The following UBE2E2 variants were observed in gnomAD, a reference collection of about 807,000 sequenced individuals.
The protein encoded by UBE2E2 is ubiquitin-conjugating enzyme E2 E2.
Under a neutral mutation model 24.7 loss-of-function variants are expected in UBE2E2, and 6 were observed. That is an observed-to-expected ratio of 0.24 (90% CI 0.13 to 0.48). UBE2E2 has a LOEUF of 0.48. UBE2E2 is among the 20% of genes least tolerant of loss of function. UBE2E2 has a pLI of 0.99. For synonymous variants in UBE2E2, 104 were observed against 83.6 expected (o/e 1.24, Z -1.33); for missense variants, 169 against 245.0 (o/e 0.69, Z 2.07).
intron 3 of UBE2E2, among the ~76,000 whole-genome samples, chr3:23,460,493 A>G (rs998903242): frequency 6.6e-6 from 1 of 152,202 alleles, no homozygotes. Context: ...TTGGTGTGTA[A>G]TAAGCCCTCT....
chr3:23,521,132 TC>T (rs1694854278), intron 4 of UBE2E2, among the ~76,000 whole-genome samples: 3 of 152,238 alleles, frequency 2.0e-5, no homozygotes, highest in Non-Finnish European at 2.9e-5. Context: ...AATGTATTAC[TC>T]CTTTCCTGAA....
intron 3 of UBE2E2, among the ~76,000 whole-genome samples, chr3:23,455,769 T>C (rs1225776269): frequency 6.6e-6 from 1 of 152,188 alleles, no homozygotes; most frequent in Non-Finnish European, 1.5e-5. Context: ...ATAATCTTTT[T>C]GCTGGTGAAG....
At chr3:23,569,848 A>T (rs1696182520) in intron 5 of UBE2E2, among the ~76,000 whole-genome samples, 1 of 152,132 alleles carries the variant, frequency 6.6e-6, no homozygotes, top group Non-Finnish European at 1.5e-5. Context: ...TTTTAAAAAT[A>T]TTTTATCAAG....
intron 3 of UBE2E2, among the ~76,000 whole-genome samples, chr3:23,447,261 T>C (rs1048874041): frequency 2.6e-5 from 4 of 152,198 alleles, no homozygotes; most frequent in African/African-American, 9.7e-5. Context: ...ATTAGGTGAT[T>C]AATAACTATT....
At chr3:23,241,819 G>C (rs1375819577) in intron 3 of UBE2E2, among the ~76,000 whole-genome samples, 2 of 152,194 alleles carry the variant, frequency 1.3e-5, no homozygotes, top group South Asian at 4.1e-4. Context: ...GCACTTCATT[G>C]ATATTTATTG....
At chr3:23,332,579 G>A (rs1380986029) in intron 3 of UBE2E2, among the ~76,000 whole-genome samples, 2 of 152,082 alleles carry the variant, frequency 1.3e-5, no homozygotes, top group Non-Finnish European at 2.9e-5. Flanking sequence ...TAGGATTTAT[G>A]TAACGAAAGA....
chr3:23,326,241 T>C (rs1326502809), intron 3 of UBE2E2, among the ~76,000 whole-genome samples: 1 of 152,074 alleles, frequency 6.6e-6, no homozygotes, highest in African/African-American at 2.4e-5. Context: ...CTGGCTAATT[T>C]TGTATTTTTA....
chr3:23,444,520 A>G (rs1316312597), intron 3 of UBE2E2, among the ~76,000 whole-genome samples: 1 of 152,154 alleles, frequency 6.6e-6, no homozygotes, highest in Non-Finnish European at 1.5e-5. Flanking sequence ...TAGAAAACAC[A>G]AGTTTCACAA....
chr3:23,560,975 G>T (rs1354879071), intron 5 of UBE2E2, among the ~76,000 whole-genome samples: 3 of 152,084 alleles, frequency 2.0e-5, no homozygotes, highest in African/African-American at 4.8e-5. Context: ...TTAGACCTTT[G>T]TCAGATGGGT....
At chr3:23,548,726 G>A (rs979136723) in intron 5 of UBE2E2, among the ~76,000 whole-genome samples, 1 of 151,958 alleles carries the variant, frequency 6.6e-6, no homozygotes, top group Non-Finnish European at 1.5e-5. Flanking sequence ...AACCTTGCTT[G>A]CACTCAGTAA....
intron 3 of UBE2E2, among the ~76,000 whole-genome samples, chr3:23,351,420 C>T (rs529602235): frequency 4.6e-5 from 7 of 152,254 alleles, no homozygotes; most frequent in Non-Finnish European, 8.8e-5. Flanking sequence ...CTGAATGCTC[C>T]AATTAAAAGA....
chr3:23,516,407 C>T (rs1294539440), intron 4 of UBE2E2, among the ~76,000 whole-genome samples: 6 of 152,148 alleles, frequency 3.9e-5, no homozygotes, highest in Non-Finnish European at 7.4e-5. Flanking sequence ...TTTTACCTTA[C>T]TCAGTTGGTA....
intron 3 of UBE2E2, among the ~76,000 whole-genome samples, chr3:23,310,058 G>A (rs1440817747): frequency 6.6e-6 from 1 of 152,164 alleles, no homozygotes; most frequent in Admixed American, 6.5e-5. Flanking sequence ...ACGGGCCCAT[G>A]TTCAACAGAC....
At chr3:23,465,746 A>G (rs1220896538) in intron 3 of UBE2E2, among the ~76,000 whole-genome samples, 3 of 152,196 alleles carry the variant, frequency 2.0e-5, no homozygotes, top group Non-Finnish European at 4.4e-5. Flanking sequence ...AACTAATGAT[A>G]AGTATCACCA....
intron 3 of UBE2E2, among the ~76,000 whole-genome samples, chr3:23,338,640 C>CA (rs1213222481): frequency 6.6e-6 from 1 of 151,692 alleles, no homozygotes; most frequent in Non-Finnish European, 1.5e-5. Context: ...ATGAAAGTGG[C>CA]AAAATGTTCA....
chr3:23,402,022 A>G (rs192053285), intron 3 of UBE2E2, among the ~76,000 whole-genome samples: 260 of 151,178 alleles, frequency 1.7e-3, no homozygotes, highest in African/African-American at 6.2e-3. Flanking sequence ...ACGCCCGGCT[A>G]ATTTGTGTAT....
At chr3:23,530,528 C>T (rs1695098498) in intron 4 of UBE2E2, among the ~76,000 whole-genome samples, 2 of 152,086 alleles carry the variant, frequency 1.3e-5, no homozygotes, top group Admixed American at 6.6e-5. Flanking sequence ...ATATTTTGAT[C>T]TGATAATATA....
intron 4 of UBE2E2, among the ~76,000 whole-genome samples, chr3:23,524,295 G>A (rs539305426): frequency 2.3e-4 from 35 of 152,122 alleles, no homozygotes; most frequent in Non-Finnish European, 4.1e-4. Context: ...TATATATGGA[G>A]TCTTGCCTAT....
chr3:23,349,001 A>C, intron 3 of UBE2E2, among the ~76,000 whole-genome samples: 1 of 151,484 alleles, frequency 6.6e-6, no homozygotes. Flanking sequence ...CCCCCCCACC[A>C]CCTCCCCGCA....
Sources: gnomAD v4.1 joint callset for allele counts (sites outside exome capture counted in the v4.1 genomes callset) on GRCh38, gnomAD v4.1.1 for gene constraint, MANE v1.5 for transcripts, NCBI Gene and HGNC (gene_info 2026-07-23, HGNC 2026-07-21) for gene names.